Variants in HDLBP observed in about 807,000 individuals in gnomAD.
The protein encoded by HDLBP is vigilin.
HDLBP carries 30 observed loss-of-function variants against 137.3 expected under a neutral mutation model. The ratio of observed to expected loss-of-function variants is 0.22; its 90% CI spans 0.16 to 0.30. HDLBP has a LOEUF of 0.30. Among genes scored for constraint, HDLBP ranks in the 10% least tolerant of loss-of-function variants. The probability of loss-of-function intolerance (pLI) is 1.00; values close to 1 mark genes in which losing one functional copy is unlikely to be tolerated. For missense variants in HDLBP, 1,119 were observed against 1,667.3 expected (o/e 0.67, Z 5.73); for synonymous variants, 606 against 596.0 (o/e 1.02, Z -0.24).
chr2:241,272,406 C>T lies in HDLBP; in HGVS notation c.-102-3865G>A. On this transcript the variant is annotated intron_variant, in intron 1 of 27. Coordinates refer to ENST00000310931, the MANE Select transcript of HDLBP (RefSeq NM_005336.6). This position sits in a 1 kb window ranked among gnomAD's most constrained non-coding sequence, Gnocchi z 5.6. ...CCTCCGCGCCGTGCGGCCACGGCACCAGGGGTGCCCCACCGAAGCCCCGGG... is the reference window on the plus strand; with the variant it reads ...CCTCCGCGCCGTGCGGCCACGGCACTAGGGGTGCCCCACCGAAGCCCCGGG... 1.0e-6 allele frequency: 1 copy of T among 984,592 alleles called. No individual in the cohort carries two copies. The highest frequency in any genetic ancestry group is 1.2e-6 in the Non-Finnish European group (1 of 829,642). 61.0% of individuals were successfully genotyped at this position (984,592 alleles called of 1,614,324 possible).
chr2:241,301,836 T>C (rs2075405703), intron 1 of HDLBP, among the ~76,000 whole-genome samples: 5 of 151,756 alleles, frequency 3.3e-5, no homozygotes, highest in Admixed American at 3.3e-4. Context: ...AATAAATAAA[T>C]CAGAAACCAT....
intron 1 of HDLBP, among the ~76,000 whole-genome samples, chr2:241,299,968 C>T (rs2075334368): frequency 6.6e-6 from 1 of 152,174 alleles, no homozygotes; most frequent in Non-Finnish European, 1.5e-5. Context: ...AGTTCAACTA[C>T]AAAATGAATG....
intron 1 of HDLBP, among the ~76,000 whole-genome samples, chr2:241,274,472 G>T (rs1043211220): frequency 6.6e-6 from 1 of 152,176 alleles, no homozygotes; most frequent in South Asian, 2.1e-4. Flanking sequence ...AGCAACTAGT[G>T]CAAGTGTGTT....
At chr2:241,278,656 A>G (rs1207140981) in intron 1 of HDLBP, among the ~76,000 whole-genome samples, 1 of 152,204 alleles carries the variant, frequency 6.6e-6, no homozygotes, top group African/African-American at 2.4e-5. Context: ...AATATAAGCC[A>G]GGGCAGTATG....
intron 1 of HDLBP, among the ~76,000 whole-genome samples, chr2:241,292,944 G>T (rs1016117553): frequency 3.3e-5 from 5 of 152,174 alleles, no homozygotes; most frequent in African/African-American, 9.7e-5. Context: ...GAGGCAGGAG[G>T]ATCACTTGAG....
chr2:241,266,963 ATTGTTAACCTAAGAGT>A (rs2073719691), intron 2 of HDLBP, 57 bp from the exon 3 acceptor site: 1 of 1,260,074 alleles, frequency 7.9e-7, no homozygotes, highest in African/African-American at 1.5e-5. Flanking sequence ...TATCTATGAG[ATTGTTAACCTAAGAGT>A]TTTAGCAAAG....
Position 241,236,652 on chromosome 2 carries a change from C to T in HDLBP, c.2867G>A (p.Arg956Gln), listed in dbSNP as rs145714274. The T allele has an allele frequency of 1.2e-5, 19 of 1,613,954 alleles. No homozygotes were observed. Among genetic ancestry groups the T allele is most frequent in the Non-Finnish European group, 1.4e-5 (16 of 1,180,016 alleles). ...RRCDIIIISG[R>Q]KEKCEAAKEA... ...CTTGGCAGCCTCACACTTTTCTTTC[C>T]GGCCAGAGATGATGATGATGTCACA... is the stretch of plus-strand genomic sequence containing the variant. The change falls in exon 21 of 28, where the codon CGG (arginine) becomes CAG (glutamine). Residue 956 changes from arginine to glutamine, a missense_variant. Coordinates refer to ENST00000310931, the MANE Select transcript of HDLBP (RefSeq NM_005336.6).
rs1333591644 is a variant in HDLBP, at chr2:241,255,518, C to T, written c.936G>A (p.Gly312=). The T allele has an allele frequency of 3.1e-6, 5 of 1,614,108 alleles. No homozygotes were observed. In the Admixed American group the frequency reaches 6.7e-5, roughly 22 times the overall value. ...TCTCCTGCAATGAATTGCCCTTGGG[C>T]CCAATGACATACTTGTGTTGGGATT... ...VKKSQHKYVI[G]PKGNSLQEIL... The change falls in exon 8 of 28, where the codon GGG becomes GGA. Residue 312 remains glycine (G), a synonymous_variant. Coordinates refer to ENST00000310931, the MANE Select transcript of HDLBP (RefSeq NM_005336.6).
chr2:241,299,957 G>A (rs1478697359), intron 1 of HDLBP, among the ~76,000 whole-genome samples: 2 of 152,066 alleles, frequency 1.3e-5, no homozygotes, highest in African/African-American at 4.8e-5. Context: ...GTTTAATCAC[G>A]AGTTCAACTA....
In HDLBP at chr2:241,230,221, T is replaced by G. The variant is rs1283726369; in HGVS notation, c.3523A>C (p.Thr1175Pro). The G allele has an allele frequency of 6.2e-7, 1 of 1,612,938 alleles. No homozygotes were observed. The highest frequency in any genetic ancestry group is 8.5e-7 in the Non-Finnish European group (1 of 1,179,120). Residue 1175 changes from threonine to proline, a missense_variant, in exon 26 of 28, where the codon ACT becomes CCT. Physicochemically the swap from Thr to Pro is conservative, Grantham distance 38. Transcript: ENST00000310931. This position sits in a 1 kb window ranked among gnomAD's most constrained non-coding sequence, Gnocchi z 5.0. ...ACATTCTCTGGGAGCCCCGTCACAGTGACGCAGTTGGGGTCTGGGGCTCCG... is the reference window on the plus strand; with the variant it reads ...ACATTCTCTGGGAGCCCCGTCACAGGGACGCAGTTGGGGTCTGGGGCTCCG... ...QSGAPDPNCV[T>P]VTGLPENVEE...
chr2:241,235,192 C>T lies in HDLBP; in HGVS notation c.3073G>A (p.Ala1025Thr), dbSNP rs1262269085. The T allele has an allele frequency of 1.1e-5, 18 of 1,614,084 alleles. No individual in the cohort carries two copies. Among genetic ancestry groups the T allele is most frequent in the Non-Finnish European group, 1.5e-5 (18 of 1,180,060 alleles). The change falls in exon 23 of 28, where the codon GCA becomes ACA. Residue 1025 changes from alanine (A) to threonine (T), a missense_variant. Ala to Thr is a moderately conservative substitution (Grantham distance 58). Around this residue, in one of 4 missense-constraint regions of HDLBP, gnomAD observed 618 missense variants for 816.7 expected, o/e 0.76. Coordinates refer to ENST00000310931, the MANE Select transcript of HDLBP (RefSeq NM_005336.6). ...CCAGCCTTGGCCCGGTCCAAATTTG[C>T]AGCGAGGCCCGTGATGGCGATGATG... ...SDIIAITGLA[A>T]NLDRAKAGLL...
chr2:241,307,605 T>G lies in HDLBP; in HGVS notation c.-103+7965A>C, dbSNP rs554943013. 1.6e-3 allele frequency among the ~76,000 whole-genome samples: 240 copies of G among 152,346 alleles called. 1 individual carries two copies. Among genetic ancestry groups the G allele is most frequent in the African/African-American group, 5.7e-3 (235 of 41,588 alleles). On this transcript the variant is annotated intron_variant, in intron 1 of 27. Transcript: ENST00000310931. ...AATGTAAAAACTGGCAACCCCCCCA[T>G]GAGGCTTTACCAAAAAATATATTCT...
chr2:241,307,623 T>C (rs908426666), intron 1 of HDLBP, among the ~76,000 whole-genome samples: 9 of 152,202 alleles, frequency 5.9e-5, no homozygotes, highest in Admixed American at 6.5e-5. Flanking sequence ...TACCAAAAAA[T>C]ATATTCTAAA....
At chr2:241,286,416 C>T (rs1293719569) in intron 1 of HDLBP, among the ~76,000 whole-genome samples, 1 of 152,240 alleles carries the variant, frequency 6.6e-6, no homozygotes, top group Non-Finnish European at 1.5e-5. Context: ...TATCTGACTG[C>T]CTCCTTTGGA....
chr2:241,246,700 G>A, intron 16 of HDLBP, 52 bp downstream of exon 16: 1 of 1,576,334 alleles, frequency 6.3e-7, no homozygotes, highest in South Asian at 1.1e-5. Flanking sequence ...CAATCTTAGA[G>A]GCTGTTAGAG....
At chr2:241,276,908 CAATT>C (rs2074407778) in intron 1 of HDLBP, among the ~76,000 whole-genome samples, 1 of 150,696 alleles carries the variant, frequency 6.6e-6, no homozygotes, top group African/African-American at 2.4e-5. Context: ...GATGCAAACA[CAATT>C]AATAAATCTA....
rs555943485 is a variant in HDLBP, at chr2:241,227,584, A to C, written c.*2017T>G. The C allele has an allele frequency of 3.3e-5, 5 of 152,760 alleles. No homozygotes were observed. The highest frequency in any genetic ancestry group is 6.5e-5 in the Admixed American group (1 of 15,296). The allele number at this position is 152,760 out of a possible 1,614,324, so 9.5% of individuals were successfully genotyped here. A position where few individuals can be genotyped will look rare whatever the true frequency, so the allele number is the denominator to read the frequency against. On this transcript the variant is annotated 3_prime_UTR_variant, in exon 28 of 28. Transcript: ENST00000310931. ...GCAACAACCACCCAAAGGAAAAGAG[A>C]GCGCTGAACAGTTTAGGAAAGGGCT... is the stretch of plus-strand genomic sequence containing the variant.
At chr2:241,300,071 T>C (rs1305951450) in intron 1 of HDLBP, among the ~76,000 whole-genome samples, 1 of 152,184 alleles carries the variant, frequency 6.6e-6, no homozygotes, top group Non-Finnish European at 1.5e-5. Flanking sequence ...AAAAGATTTT[T>C]TTTTTCTGGT....
intron 5 of HDLBP, among the ~76,000 whole-genome samples, chr2:241,261,445 G>A (rs1308276530): frequency 6.6e-6 from 1 of 152,182 alleles, no homozygotes; most frequent in East Asian, 1.9e-4. Flanking sequence ...ATGTATACAT[G>A]AAAACGGGAA....
Sources: gnomAD v4.1 joint callset for allele counts (sites outside exome capture counted in the v4.1 genomes callset) on GRCh38, gnomAD v4.1.1 for gene constraint, gnomAD v4.1.1 regional missense constraint, Gnocchi (gnomAD v3.1) non-coding constraint, MANE v1.5 for transcripts, NCBI Gene and HGNC (gene_info 2026-07-23, HGNC 2026-07-21) for gene names.